The following LRP1B variants were observed in gnomAD, a reference collection of about 807,000 sequenced individuals.
The protein encoded by LRP1B is low-density lipoprotein receptor-related protein 1B.
In LRP1B, 217 loss-of-function variants were observed where a neutral mutation model predicts 556.6. That is an observed-to-expected ratio of 0.39 (90% CI 0.35 to 0.44). The LOEUF (loss-of-function observed/expected upper bound fraction) is 0.44. Ranked by LOEUF, LRP1B falls within the 20% of genes least tolerant of loss-of-function variation. The pLI, the probability that LRP1B is intolerant of heterozygous loss-of-function variation, is 1.00. For synonymous variants in LRP1B, 2,047 were observed against 1,865.8 expected, an observed-to-expected ratio of 1.10 and a Z score of -2.50; for missense variants, 5,053 against 5,620.8, an observed-to-expected ratio of 0.90 and a Z score of 3.23.
chr2:141,089,576 A>G (rs1213844428), intron 7 of LRP1B, among the ~76,000 whole-genome samples: 3 of 152,214 alleles, frequency 2.0e-5, no homozygotes, highest in Non-Finnish European at 4.4e-5. Context: ...TATTAGTTTT[A>G]TATTCTGAAT....
At chr2:141,022,775 T>C (rs148606045) in intron 11 of LRP1B, among the ~76,000 whole-genome samples, 260 of 152,072 alleles carry the variant, frequency 1.7e-3, no homozygotes, top group African/African-American at 6.1e-3. Context: ...AAGGAAGATG[T>C]TTGATAAAGA....
chr2:140,524,209 C>T (rs141937286), intron 49 of LRP1B, among the ~76,000 whole-genome samples: 1 of 151,798 alleles, frequency 6.6e-6, no homozygotes, highest in Non-Finnish European at 1.5e-5. Flanking sequence ...AAGTGGCCAA[C>T]AAACACATAA....
chr2:141,484,082 T>C (rs1031168569), intron 2 of LRP1B, among the ~76,000 whole-genome samples: 1 of 152,084 alleles, frequency 6.6e-6, no homozygotes, highest in Non-Finnish European at 1.5e-5. Flanking sequence ...TCTTCTAGGG[T>C]TTTTATGGTT....
intron 41 of LRP1B, among the ~76,000 whole-genome samples, chr2:140,624,353 T>C (rs1194366180): frequency 3.3e-5 from 5 of 152,152 alleles, no homozygotes; most frequent in African/African-American, 9.7e-5. Context: ...ATCAAGAACG[T>C]TGGCATCGAA....
intron 3 of LRP1B, among the ~76,000 whole-genome samples, chr2:141,405,711 G>C (rs1192771824): frequency 6.6e-6 from 1 of 152,086 alleles, no homozygotes; most frequent in Non-Finnish European, 1.5e-5. Context: ...CAGAATATAA[G>C]AAGCCTAAAA....
At chr2:140,583,603 C>T (rs930847528) in intron 43 of LRP1B, among the ~76,000 whole-genome samples, 2 of 151,884 alleles carry the variant, frequency 1.3e-5, no homozygotes, top group African/African-American at 4.8e-5. Context: ...TAATTAAGGT[C>T]ATGTATCTTA....
chr2:140,578,948 C>T (rs1161724512), intron 43 of LRP1B, among the ~76,000 whole-genome samples: 1 of 151,924 alleles, frequency 6.6e-6, no homozygotes. Context: ...AGGTAAATTT[C>T]CCTTCTCTCA....
chr2:140,691,539 A>T (rs1363576942), intron 41 of LRP1B, among the ~76,000 whole-genome samples: 1 of 152,054 alleles, frequency 6.6e-6, no homozygotes, highest in Non-Finnish European at 1.5e-5. Context: ...TTGAAAAAGC[A>T]ATCTAAAAAT....
chr2:142,101,913 T>A (rs2104970695), intron 1 of LRP1B, among the ~76,000 whole-genome samples: 1 of 152,120 alleles, frequency 6.6e-6, no homozygotes, highest in East Asian at 1.9e-4. Flanking sequence ...TTGAACAAGC[T>A]TTTAGCCTCC....
chr2:141,331,761 T>C (rs1222618020), intron 3 of LRP1B, among the ~76,000 whole-genome samples: 1 of 152,064 alleles, frequency 6.6e-6, no homozygotes, highest in Non-Finnish European at 1.5e-5. Flanking sequence ...GCCTTTAATA[T>C]TGAAGAATAT....
chr2:140,449,647 G>A (rs1224578171), intron 63 of LRP1B, among the ~76,000 whole-genome samples: 3 of 152,126 alleles, frequency 2.0e-5, no homozygotes, highest in South Asian at 2.1e-4. Flanking sequence ...ACTTGGGCAT[G>A]ACCAGAGAGA....
Position 141,408,785 on chromosome 2 carries a change from C to T in LRP1B, c.343+71611G>A, listed in dbSNP as rs141159550. ...ATCTCCTCCATGTCTTTCTCTTTCA[C>T]GTTGTCATTTTACTTATAAATAATA... On this transcript the variant is annotated intron_variant, in intron 3 of 90. Transcript: ENST00000389484. Among the ~76,000 whole-genome samples the T allele has an allele frequency of 1.1e-3, 166 of 152,150 alleles. 1 individual carries two copies. In the East Asian group the frequency reaches 0.024, roughly 22 times the overall value.
At chr2:140,462,412 C>T (rs1181916428) in intron 60 of LRP1B, among the ~76,000 whole-genome samples, 1 of 152,150 alleles carries the variant, frequency 6.6e-6, no homozygotes, top group Non-Finnish European at 1.5e-5. Flanking sequence ...ACAAATCATG[C>T]ATTGCTTTTT....
intron 23 of LRP1B, among the ~76,000 whole-genome samples, chr2:140,899,346 T>A (rs1383521723): frequency 6.6e-6 from 1 of 152,152 alleles, no homozygotes; most frequent in African/African-American, 2.4e-5. Context: ...GAGTCATGGG[T>A]ATGACAATGA....
intron 5 of LRP1B, among the ~76,000 whole-genome samples, chr2:141,242,829 C>A (rs1683928160): frequency 6.6e-6 from 1 of 152,086 alleles, no homozygotes; most frequent in Non-Finnish European, 1.5e-5. Flanking sequence ...CTGAAAAGTA[C>A]AGTCCAATGA....
intron 18 of LRP1B, among the ~76,000 whole-genome samples, chr2:140,970,734 T>TCA (rs1558772595): frequency 3.4e-5 from 1 of 29,634 alleles, no homozygotes; most frequent in Non-Finnish European, 1.0e-4. Flanking sequence ...TTTTTTTTTT[T>TCA]TTTTTTTTTT....
intron 3 of LRP1B, among the ~76,000 whole-genome samples, chr2:141,260,864 G>C (rs949972590): frequency 6.6e-6 from 1 of 152,088 alleles, no homozygotes; most frequent in South Asian, 2.1e-4. Flanking sequence ...TTTACAAAAT[G>C]GGATGATATT....
At chr2:142,045,419 ATTTGTT>A (rs986833006) in intron 1 of LRP1B, among the ~76,000 whole-genome samples, 10 of 151,740 alleles carry the variant, frequency 6.6e-5, no homozygotes, top group African/African-American at 2.4e-4. Flanking sequence ...GACACATCTT[ATTTGTT>A]TTTGACAGTT....
chr2:141,166,177 A>G (rs1424394606), intron 7 of LRP1B, among the ~76,000 whole-genome samples: 1 of 151,832 alleles, frequency 6.6e-6, no homozygotes, highest in Non-Finnish European at 1.5e-5. Context: ...ACCCAACCAT[A>G]CCAATGTTCT....
Sources: allele counts gnomAD v4.1 joint callset (sites outside exome capture counted in the v4.1 genomes callset), GRCh38; gene constraint gnomAD v4.1.1; transcripts MANE v1.5; gene names NCBI Gene and HGNC (gene_info 2026-07-23, HGNC 2026-07-21).